Variants in ANK3 observed in about 807,000 individuals in gnomAD.
The protein encoded by ANK3 is ankyrin-3.
ANK3 carries 57 observed loss-of-function variants against 370.9 expected under a neutral mutation model. That is an observed-to-expected ratio of 0.15 (90% CI 0.12 to 0.19). The LOEUF (loss-of-function observed/expected upper bound fraction) is 0.19, where lower values mean the gene tolerates loss of function less well. ANK3 is among the 10% of genes least tolerant of loss of function. ANK3 has a pLI of 1.00. For missense variants in ANK3, 4,439 were observed against 5,302.1 expected (o/e 0.84, Z 5.06); for synonymous variants, 1,929 against 1,946.3 (o/e 0.99, Z 0.23).
chr10:60,386,738 C>T (rs2062391649), intron 1 of ANK3, among the ~76,000 whole-genome samples: 2 of 152,196 alleles, frequency 1.3e-5, no homozygotes, highest in Admixed American at 1.3e-4. Flanking sequence ...ATCAAGAAAG[C>T]TTCGTCTTTG....
chr10:60,513,515 T>A lies in ANK3; in HGVS notation c.96+101671A>T, dbSNP rs116010667. ...AAGTGAAACATTGAAGGGAGTTGAGTCTTAATATAAGGGAAGTTTGGTTAG... is the reference window on the plus strand; with the variant it reads ...AAGTGAAACATTGAAGGGAGTTGAGACTTAATATAAGGGAAGTTTGGTTAG... On this transcript the variant is annotated intron_variant, in intron 2 of 43. Coordinates refer to the ANK3 transcript ENST00000373827. 3.5e-3 allele frequency among the ~76,000 whole-genome samples: 540 copies of A among 152,128 alleles called. 2 individuals carry two copies. The highest frequency in any genetic ancestry group is 0.012 in the African/African-American group (507 of 41,528).
At chr10:60,448,647 A>C (rs2064514940) in intron 2 of ANK3, among the ~76,000 whole-genome samples, 1 of 152,206 alleles carries the variant, frequency 6.6e-6, no homozygotes, top group Non-Finnish European at 1.5e-5. Context: ...ATCAGTTTAG[A>C]GCGACTCCCC....
chr10:60,039,171 T>G (rs537660303), intron 43 of ANK3, among the ~76,000 whole-genome samples: 3 of 152,364 alleles, frequency 2.0e-5, no homozygotes, highest in South Asian at 2.1e-4. Flanking sequence ...TGGCCAAATA[T>G]TCTTTGAAGA....
intron 2 of ANK3, among the ~76,000 whole-genome samples, chr10:60,481,809 C>T (rs907936901): frequency 6.6e-6 from 1 of 152,254 alleles, no homozygotes; most frequent in Admixed American, 6.5e-5. Context: ...GAGCAAAAGC[C>T]GTCATACCAT....
intron 37 of ANK3, 89 bp downstream of exon 37, chr10:60,068,548 G>T (rs560279513): frequency 2.2e-6 from 3 of 1,365,578 alleles, no homozygotes; most frequent in Middle Eastern, 1.9e-4. Context: ...ATGCACTAGG[G>T]TCTACGAGTT....
At chr10:60,030,028 G>A (rs2073042450) in intron 43 of ANK3, among the ~76,000 whole-genome samples, 2 of 151,570 alleles carry the variant, frequency 1.3e-5, no homozygotes, top group Admixed American at 1.3e-4. Flanking sequence ...TAGAGGACAA[G>A]GCCCTAAGGT....
intron 7 of ANK3, among the ~76,000 whole-genome samples, chr10:60,255,936 A>G (rs957188643): frequency 1.3e-5 from 2 of 152,058 alleles, no homozygotes; most frequent in Non-Finnish European, 1.5e-5. Flanking sequence ...TGGCTAGGAG[A>G]GATCTGGTAA....
At chr10:60,690,854 A>C (rs2079342337) in intron 1 of ANK3, among the ~76,000 whole-genome samples, 1 of 151,624 alleles carries the variant, frequency 6.6e-6, no homozygotes, top group South Asian at 2.1e-4. Flanking sequence ...CATCGATAGG[A>C]GCTGTTACTG....
intron 1 of ANK3, among the ~76,000 whole-genome samples, chr10:60,627,463 C>T (rs1298364048): frequency 1.3e-5 from 2 of 151,648 alleles, no homozygotes; most frequent in African/African-American, 4.8e-5. Flanking sequence ...GAAACCTCTA[C>T]ACAGGGAATA....
chr10:60,125,765 G>A (rs1590383800), intron 25 of ANK3, among the ~76,000 whole-genome samples: 1 of 152,228 alleles, frequency 6.6e-6, no homozygotes, highest in Non-Finnish European at 1.5e-5. Context: ...TTTTGGGTTA[G>A]GTATTCTTCT....
At chr10:60,341,957 A>G (rs1389206269) in intron 1 of ANK3, among the ~76,000 whole-genome samples, 1 of 152,208 alleles carries the variant, frequency 6.6e-6, no homozygotes, top group Non-Finnish European at 1.5e-5. Context: ...TCTTCCAGAA[A>G]GATAAATATA....
At chr10:60,199,442 G>C (rs780778119) in intron 13 of ANK3, among the ~76,000 whole-genome samples, 10 of 152,132 alleles carry the variant, frequency 6.6e-5, no homozygotes, top group Admixed American at 6.5e-5. Flanking sequence ...ATTGAAAGCA[G>C]AAACGAATAG....
intron 1 of ANK3, among the ~76,000 whole-genome samples, chr10:60,350,046 G>A (rs1005161442): frequency 6.6e-6 from 1 of 152,146 alleles, no homozygotes; most frequent in Admixed American, 6.5e-5. Flanking sequence ...CACAGTGATG[G>A]CCTCATTTAT....
At chr10:60,351,713 C>A (rs2132699616) in intron 1 of ANK3, among the ~76,000 whole-genome samples, 1 of 152,234 alleles carries the variant, frequency 6.6e-6, no homozygotes, top group African/African-American at 2.4e-5. Context: ...ACAATCAAGA[C>A]AAGTCACAGG....
chr10:60,410,121 C>T (rs979273790), intron 2 of ANK3, among the ~76,000 whole-genome samples: 1 of 152,078 alleles, frequency 6.6e-6, no homozygotes, highest in East Asian at 1.9e-4. Flanking sequence ...CACGGTATCA[C>T]ACACCTTGCT....
intron 7 of ANK3, among the ~76,000 whole-genome samples, chr10:60,239,117 G>A (rs1373675974): frequency 6.6e-6 from 1 of 152,082 alleles, no homozygotes; most frequent in Non-Finnish European, 1.5e-5. Flanking sequence ...AGAAAAAAGA[G>A]TGGAAAAGAA....
chr10:60,278,023 C>G (rs533797351), intron 4 of ANK3, among the ~76,000 whole-genome samples: 1 of 152,220 alleles, frequency 6.6e-6, no homozygotes, highest in African/African-American at 2.4e-5. Context: ...CATAATAAAG[C>G]AAAGTTAATT....
chr10:60,524,640 C>G (rs137866276), intron 2 of ANK3, among the ~76,000 whole-genome samples: 64 of 152,264 alleles, frequency 4.2e-4, no homozygotes, highest in African/African-American at 1.5e-3. Flanking sequence ...CATTAAACCT[C>G]TTTCTTTTGC....
At chr10:60,442,439 C>T (rs985426784) in intron 2 of ANK3, among the ~76,000 whole-genome samples, 4 of 152,130 alleles carry the variant, frequency 2.6e-5, no homozygotes, top group Admixed American at 2.6e-4. Context: ...ATTTATAATA[C>T]ATAATACAAT....
Sources: allele counts gnomAD v4.1 joint callset (sites outside exome capture counted in the v4.1 genomes callset), GRCh38; gene constraint gnomAD v4.1.1; transcripts MANE v1.5; gene names NCBI Gene and HGNC (gene_info 2026-07-23, HGNC 2026-07-21).